Variants in ENOX2 observed in about 807,000 individuals in gnomAD.
ENOX2 encodes ecto-NOX disulfide-thiol exchanger 2.
In ENOX2, 36 loss-of-function variants were observed where a neutral mutation model predicts 45.0. That is an observed-to-expected ratio of 0.80 (90% CI 0.61 to 1.06). ENOX2 has a LOEUF of 1.06. Among genes scored for constraint, ENOX2 ranks in the 50% least tolerant of loss-of-function variants. The probability of loss-of-function intolerance (pLI) is 0.00; values close to 1 mark genes in which losing one functional copy is unlikely to be tolerated. For missense variants in ENOX2, 423 were observed against 462.5 expected (o/e 0.91, Z 0.78); for synonymous variants, 174 against 152.3 (o/e 1.14, Z -1.05).
intron 3 of ENOX2, among the ~76,000 whole-genome samples, chrX:130,740,669 T>C (rs1383205103): frequency 9.0e-6 from 1 of 111,558 alleles, no homozygotes; most frequent in Non-Finnish European, 1.9e-5. Context: ...ATACATGAGG[T>C]TGCATATCTG....
chrX:130,809,339 A>C (rs1247914227), intron 2 of ENOX2, among the ~76,000 whole-genome samples: 1 of 112,458 alleles, frequency 8.9e-6, no homozygotes, highest in African/African-American at 3.2e-5. Context: ...GATAGCATTT[A>C]TAACACTGTC....
At chrX:130,844,198 G>A (rs187799388) in intron 2 of ENOX2, among the ~76,000 whole-genome samples, 22 of 111,341 alleles carry the variant, frequency 2.0e-4, no homozygotes, top group South Asian at 3.8e-4. Flanking sequence ...ATCTCTTATG[G>A]CTTGGCAATT....
intron 2 of ENOX2, among the ~76,000 whole-genome samples, chrX:130,818,312 T>A (rs1434264268): frequency 1.8e-5 from 2 of 111,597 alleles, no homozygotes; most frequent in Non-Finnish European, 3.8e-5. Flanking sequence ...ATCATGAAAA[T>A]GGCCACACTG....
At chrX:130,883,960 T>C (rs1369119842) in intron 2 of ENOX2, among the ~76,000 whole-genome samples, 1 of 112,630 alleles carries the variant, frequency 8.9e-6, no homozygotes, top group Non-Finnish European at 1.9e-5. Context: ...TTCATTTATA[T>C]TCAGAGTGCC....
chrX:130,755,745 C>A (rs7881048), intron 3 of ENOX2, among the ~76,000 whole-genome samples: 3,107 of 111,014 alleles, frequency 0.028, 64 homozygotes, highest in African/African-American at 0.071. Flanking sequence ...CCAAACCACA[C>A]CCTTTTAGTA....
At chrX:130,751,937 A>G (rs2039230266) in intron 3 of ENOX2, among the ~76,000 whole-genome samples, 1 of 111,532 alleles carries the variant, frequency 9.0e-6, no homozygotes, top group South Asian at 3.7e-4. Flanking sequence ...TTGAGTTGTA[A>G]GAGTCCTTTA....
intron 3 of ENOX2, among the ~76,000 whole-genome samples, chrX:130,716,200 G>C (rs1185008568): frequency 1.8e-5 from 2 of 111,919 alleles, no homozygotes; most frequent in Non-Finnish European, 3.8e-5. Flanking sequence ...AACAAAAAAA[G>C]GACAAGATGG....
intron 3 of ENOX2, among the ~76,000 whole-genome samples, chrX:130,775,037 C>T (rs753777257): frequency 1.8e-5 from 2 of 112,201 alleles, no homozygotes; most frequent in Admixed American, 1.9e-4. Context: ...GAGGGGGACA[C>T]AGAGTACCAT....
chrX:130,876,545 G>T (rs981869026), intron 2 of ENOX2, among the ~76,000 whole-genome samples: 1 of 111,511 alleles, frequency 9.0e-6, no homozygotes, highest in African/African-American at 3.3e-5. Flanking sequence ...TTTGGTGAGG[G>T]TTGCACAACC....
chrX:130,767,010 G>T (rs1313448886), intron 3 of ENOX2, among the ~76,000 whole-genome samples: 6 of 111,354 alleles, frequency 5.4e-5, no homozygotes, highest in Non-Finnish European at 1.1e-4. Context: ...ATCAATACTG[G>T]CTCTTACTCT....
At chrX:130,774,846 A>T (rs1007921672) in intron 3 of ENOX2, among the ~76,000 whole-genome samples, 1 of 112,284 alleles carries the variant, frequency 8.9e-6, no homozygotes, top group Non-Finnish European at 1.9e-5. Context: ...CTATTTACCT[A>T]TACCACACAA....
At chrX:130,844,186 T>A (rs574553779) in intron 2 of ENOX2, among the ~76,000 whole-genome samples, 1 of 111,806 alleles carries the variant, frequency 8.9e-6, no homozygotes, top group African/African-American at 3.3e-5. Context: ...AAGTTCTGTA[T>A]AATCTCTTAT....
chrX:130,725,864 G>A (rs936200770), intron 3 of ENOX2, among the ~76,000 whole-genome samples: 1 of 111,323 alleles, frequency 9.0e-6, no homozygotes, highest in Non-Finnish European at 1.9e-5. Context: ...GCACAGGCTG[G>A]GTAAAGGGGT....
intron 2 of ENOX2, among the ~76,000 whole-genome samples, chrX:130,811,560 C>G (rs1481922951): frequency 1.8e-5 from 2 of 112,182 alleles, no homozygotes; most frequent in Admixed American, 9.4e-5. Context: ...AATGGACTGA[C>G]TAGTGAAGGG....
intron 2 of ENOX2, among the ~76,000 whole-genome samples, chrX:130,873,120 T>A (rs1411540499): frequency 3.6e-5 from 4 of 111,181 alleles, no homozygotes; most frequent in Non-Finnish European, 7.5e-5. Context: ...ACCTACAGAA[T>A]GGGAGAAAAT....
intron 2 of ENOX2, among the ~76,000 whole-genome samples, chrX:130,901,215 A>G (rs1016299604): frequency 2.7e-5 from 3 of 112,412 alleles, no homozygotes; most frequent in African/African-American, 9.7e-5. Context: ...CCTTACCACA[A>G]CTGGAAAGTC....
intron 9 of ENOX2, among the ~76,000 whole-genome samples, chrX:130,663,998 G>A (rs1052759613): frequency 1.8e-5 from 2 of 111,475 alleles, no homozygotes; most frequent in Admixed American, 9.5e-5. Flanking sequence ...GGCAGCCCTA[G>A]GATTCTAAAA....
intron 5 of ENOX2, among the ~76,000 whole-genome samples, chrX:130,684,925 C>A (rs1374535232): frequency 9.0e-6 from 1 of 111,177 alleles, no homozygotes; most frequent in Non-Finnish European, 1.9e-5. Context: ...GATCACACCA[C>A]TGCACTCTGG....
At chrX:130,665,510 T>G in intron 9 of ENOX2, 133 bp downstream of exon 9, 1 of 477,405 alleles carries the variant, frequency 2.1e-6, no homozygotes, top group Non-Finnish European at 3.7e-6. Flanking sequence ...GAACATATCT[T>G]AGTGTTTCAT....
Sources: gnomAD v4.1 joint callset for allele counts (sites outside exome capture counted in the v4.1 genomes callset) on GRCh38, gnomAD v4.1.1 for gene constraint, MANE v1.5 for transcripts, NCBI Gene and HGNC (gene_info 2026-07-23, HGNC 2026-07-21) for gene names.